The following SGCZ variants were observed in gnomAD, a reference collection of about 807,000 sequenced individuals.
SGCZ encodes zeta-sarcoglycan.
In SGCZ, 40 loss-of-function variants were observed where a neutral mutation model predicts 41.3. The ratio of observed to expected loss-of-function variants is 0.97; its 90% confidence interval spans 0.75 to 1.26. The LOEUF is 1.26. Ranked by LOEUF, SGCZ falls within the 50% of genes most tolerant of loss-of-function variation. The pLI, the probability that SGCZ is intolerant of heterozygous loss-of-function variation, is 0.00. For missense variants in SGCZ, 552 were observed against 369.8 expected (o/e 1.49, Z -4.04); for synonymous variants, 206 against 137.5 (o/e 1.50, Z -3.49).
intron 1 of SGCZ, among the ~76,000 whole-genome samples, chr8:15,028,461 G>A (rs1304392298): frequency 6.7e-6 from 1 of 149,908 alleles, no homozygotes; most frequent in African/African-American, 2.5e-5. Context: ...GTTTCATAAG[G>A]AACACCATCG....
At chr8:15,092,425 T>G (rs1028469719) in intron 1 of SGCZ, among the ~76,000 whole-genome samples, 3 of 152,222 alleles carry the variant, frequency 2.0e-5, no homozygotes, top group Non-Finnish European at 4.4e-5. Flanking sequence ...ATGTTTAATT[T>G]GTATTTATAG....
chr8:14,895,123 A>G (rs1013859660), intron 1 of SGCZ, among the ~76,000 whole-genome samples: 3 of 152,198 alleles, frequency 2.0e-5, no homozygotes, highest in African/African-American at 7.2e-5. Flanking sequence ...GGAAATATGT[A>G]CTTGCTCTTA....
intron 2 of SGCZ, among the ~76,000 whole-genome samples, chr8:14,333,310 A>G (rs929559984): frequency 6.6e-6 from 1 of 152,142 alleles, no homozygotes; most frequent in Non-Finnish European, 1.5e-5. Context: ...AGACAACTGC[A>G]AAGAGCCTCA....
intron 2 of SGCZ, among the ~76,000 whole-genome samples, chr8:14,410,017 T>C (rs1799316389): frequency 1.3e-5 from 2 of 152,088 alleles, no homozygotes; most frequent in African/African-American, 4.8e-5. Context: ...GTTAGGAACC[T>C]AGCCACATAG....
At chr8:14,103,485 T>A (rs1429712422) in intron 6 of SGCZ, among the ~76,000 whole-genome samples, 3 of 152,136 alleles carry the variant, frequency 2.0e-5, no homozygotes, top group Non-Finnish European at 4.4e-5. Context: ...TTGTTTTTGT[T>A]TTCTGAGGCA....
intron 1 of SGCZ, among the ~76,000 whole-genome samples, chr8:14,927,630 A>G (rs901425722): frequency 1.3e-5 from 2 of 150,910 alleles, no homozygotes; most frequent in Admixed American, 6.6e-5. Context: ...AGGTAGGAAG[A>G]AAAAGATCCA....
intron 3 of SGCZ, among the ~76,000 whole-genome samples, chr8:14,271,124 C>G (rs1019647475): frequency 6.6e-6 from 1 of 151,776 alleles, no homozygotes; most frequent in Non-Finnish European, 1.5e-5. Context: ...GTGCCGCACA[C>G]CAATATGGCA....
chr8:14,354,126 G>C (rs1292270787), intron 2 of SGCZ, among the ~76,000 whole-genome samples: 1 of 151,930 alleles, frequency 6.6e-6, no homozygotes, highest in East Asian at 1.9e-4. Flanking sequence ...GCTTATAAAA[G>C]TGCGTATCTC....
chr8:14,760,746 G>A (rs972176661), intron 1 of SGCZ, among the ~76,000 whole-genome samples: 3 of 152,152 alleles, frequency 2.0e-5, no homozygotes, highest in African/African-American at 7.2e-5. Flanking sequence ...CAGTTATTCA[G>A]TCTATTTCTT....
intron 1 of SGCZ, among the ~76,000 whole-genome samples, chr8:14,787,785 G>C (rs1371102327): frequency 6.6e-6 from 1 of 152,036 alleles, no homozygotes; most frequent in African/African-American, 2.4e-5. Context: ...TGCGGAGATT[G>C]CGGTGACCTA....
intron 1 of SGCZ, among the ~76,000 whole-genome samples, chr8:14,777,612 T>C (rs1461982249): frequency 3.3e-5 from 5 of 152,164 alleles, no homozygotes; most frequent in Non-Finnish European, 7.3e-5. Flanking sequence ...TACAATGTGA[T>C]GCATAAGACA....
At chr8:14,353,809 A>G (rs998906806) in intron 2 of SGCZ, among the ~76,000 whole-genome samples, 2 of 152,086 alleles carry the variant, frequency 1.3e-5, no homozygotes, top group African/African-American at 4.8e-5. Context: ...CTAGAGACCT[A>G]AGGATGATAA....
chr8:14,691,871 C>T (rs533208564), intron 1 of SGCZ, among the ~76,000 whole-genome samples: 4 of 151,956 alleles, frequency 2.6e-5, no homozygotes, highest in African/African-American at 9.6e-5. Context: ...AATTTTATAA[C>T]TGTTTTGTGA....
chr8:15,109,179 T>C (rs562575618), intron 1 of SGCZ, among the ~76,000 whole-genome samples: 2 of 152,236 alleles, frequency 1.3e-5, no homozygotes, highest in African/African-American at 4.8e-5. Context: ...ATGATGGAGA[T>C]CATTCTGCAG....
At chr8:15,046,770 C>T (rs1044508183) in intron 1 of SGCZ, among the ~76,000 whole-genome samples, 1 of 151,976 alleles carries the variant, frequency 6.6e-6, no homozygotes, top group African/African-American at 2.4e-5. Context: ...TACAGATATA[C>T]AAATGTCTGA....
At chr8:14,344,680 T>G (rs1048286145) in intron 2 of SGCZ, among the ~76,000 whole-genome samples, 1 of 152,104 alleles carries the variant, frequency 6.6e-6, no homozygotes, top group Admixed American at 6.5e-5. Context: ...AAAATGTAAG[T>G]AATGCACAGG....
At chr8:14,562,452 A>G (rs1427203413) in intron 1 of SGCZ, among the ~76,000 whole-genome samples, 2 of 152,200 alleles carry the variant, frequency 1.3e-5, no homozygotes, top group Non-Finnish European at 2.9e-5. Flanking sequence ...ATAAAAAAGA[A>G]ATACATTATA....
intron 5 of SGCZ, among the ~76,000 whole-genome samples, chr8:14,162,017 C>G (rs965994417): frequency 7.2e-5 from 11 of 152,062 alleles, no homozygotes; most frequent in African/African-American, 2.7e-4. Context: ...AATTAAAAAG[C>G]AGAAAAACTT....
chr8:14,297,205 G>C (rs548032088), intron 3 of SGCZ, among the ~76,000 whole-genome samples: 1 of 152,162 alleles, frequency 6.6e-6, no homozygotes, highest in African/African-American at 2.4e-5. Context: ...TTACAGGCCT[G>C]AGCCACTGCA....
Sources: allele counts gnomAD v4.1 joint callset (sites outside exome capture counted in the v4.1 genomes callset), GRCh38; gene constraint gnomAD v4.1.1; transcripts MANE v1.5; gene names NCBI Gene and HGNC (gene_info 2026-07-23, HGNC 2026-07-21).